The following LRP1B variants were observed in gnomAD, a reference collection of about 807,000 sequenced individuals.
The protein encoded by LRP1B is LDL receptor related protein 1B, also known as low-density lipoprotein receptor-related protein 1B.
In LRP1B, 217 loss-of-function variants were observed where a neutral mutation model predicts 556.6. The ratio of observed to expected loss-of-function variants is 0.39; its 90% CI spans 0.35 to 0.44. The LOEUF (loss-of-function observed/expected upper bound fraction) is 0.44, where lower values mean the gene tolerates loss of function less well. Ranked by LOEUF, LRP1B falls within the 20% of genes least tolerant of loss-of-function variation. The pLI, the probability that LRP1B is intolerant of heterozygous loss-of-function variation, is 1.00. For missense variants in LRP1B, 5,053 were observed against 5,620.8 expected, an observed-to-expected ratio of 0.90 and a Z score of 3.23; for synonymous variants, 2,047 against 1,865.8, an observed-to-expected ratio of 1.10 and a Z score of -2.50.
rs1295574705 is a variant in LRP1B, at chr2:142,002,778, T to C, written c.82+127870A>G. Among the ~76,000 whole-genome samples, 4 of 152,102 alleles carry C rather than the reference T, an allele frequency of 2.6e-5. 1 individual carries two copies. Among genetic ancestry groups the C allele is most frequent in the Non-Finnish European group, 5.9e-5 (4 of 68,024 alleles). ...GCCCTTTCAGAGAACGTAGCCACTT[T>C]GCAATTTCCAGGCTGAGCAGAAAGA... On this transcript the variant is annotated intron_variant, in intron 1 of 90. Coordinates refer to ENST00000389484, the MANE Select transcript of LRP1B (RefSeq NM_018557.3).
intron 3 of LRP1B, among the ~76,000 whole-genome samples, chr2:141,330,100 T>C (rs1189300240): frequency 6.6e-6 from 1 of 152,198 alleles, no homozygotes; most frequent in Non-Finnish European, 1.5e-5. Context: ...GTGGGCATTA[T>C]TATGTTACTA....
chr2:140,977,988 A>G (rs1479397697), intron 18 of LRP1B, among the ~76,000 whole-genome samples: 1 of 152,192 alleles, frequency 6.6e-6, no homozygotes, highest in Admixed American at 6.6e-5. Flanking sequence ...ATTCCTTGAC[A>G]CAAGGTCCAC....
intron 1 of LRP1B, among the ~76,000 whole-genome samples, chr2:141,890,156 T>C (rs1285377325): frequency 1.3e-5 from 2 of 151,766 alleles, no homozygotes; most frequent in African/African-American, 2.4e-5. Context: ...CTTCCTATAG[T>C]CTAGATGGTC....
chr2:142,110,766 T>A (rs547568091), intron 1 of LRP1B, among the ~76,000 whole-genome samples: 1 of 152,262 alleles, frequency 6.6e-6, no homozygotes, highest in East Asian at 1.9e-4. Flanking sequence ...CTCCTACATA[T>A]CTCACTCTTC....
chr2:141,884,847 T>C (rs1482663787), intron 1 of LRP1B, among the ~76,000 whole-genome samples: 1 of 152,126 alleles, frequency 6.6e-6, no homozygotes, highest in Admixed American at 6.6e-5. Flanking sequence ...CAAACTATCT[T>C]TGAGGTCACA....
chr2:141,675,164 A>T (rs1690827353), intron 2 of LRP1B, among the ~76,000 whole-genome samples: 1 of 151,950 alleles, frequency 6.6e-6, no homozygotes, highest in Non-Finnish European at 1.5e-5. Flanking sequence ...GACATTGTAC[A>T]CTAAATGCAC....
chr2:141,472,116 T>C (rs950120500), intron 3 of LRP1B, among the ~76,000 whole-genome samples: 1 of 152,212 alleles, frequency 6.6e-6, no homozygotes, highest in Non-Finnish European at 1.5e-5. Context: ...GTAGAAATAA[T>C]AGGAGTTGTT....
intron 23 of LRP1B, among the ~76,000 whole-genome samples, chr2:140,887,512 C>T (rs1693674174): frequency 6.6e-6 from 1 of 152,094 alleles, no homozygotes; most frequent in Admixed American, 6.6e-5. Context: ...AAAACTAACT[C>T]AAACTGTATT....
intron 7 of LRP1B, among the ~76,000 whole-genome samples, chr2:141,124,579 C>G (rs567123659): frequency 6.7e-6 from 1 of 149,926 alleles, no homozygotes; most frequent in Admixed American, 6.7e-5. Context: ...TTGAACTAAC[C>G]TAACTTTTCC....
At chr2:141,676,821 G>T (rs1434763007) in intron 2 of LRP1B, among the ~76,000 whole-genome samples, 1 of 152,088 alleles carries the variant, frequency 6.6e-6, no homozygotes, top group African/African-American at 2.4e-5. Flanking sequence ...GGGATTAAAA[G>T]CTCCTGTGAA....
chr2:140,897,387 T>C (rs1359635748), intron 23 of LRP1B, among the ~76,000 whole-genome samples: 1 of 152,148 alleles, frequency 6.6e-6, no homozygotes. Flanking sequence ...GAGCGAGTCA[T>C]AGACACTAGC....
rs534418423 is a variant in LRP1B, at chr2:140,864,149, G to A, written c.4579+3441C>T. On this transcript the variant is annotated intron_variant, in intron 27 of 90. Coordinates refer to ENST00000389484, the MANE Select transcript of LRP1B (RefSeq NM_018557.3). ...CTGGATGGCTAACAATTTTTCTCAC[G>A]GAAATGCAATGATAATCAAGTTAGC... 1.6e-4 allele frequency among the ~76,000 whole-genome samples: 24 copies of A among 151,794 alleles called. 1 individual carries two copies. In the South Asian group the frequency reaches 4.0e-3, roughly 25 times the overall value.
chr2:140,238,137 C>G lies in LRP1B; in HGVS notation c.13560+15G>C, dbSNP rs762477584. Reference sequence around the variant, plus strand: ...AATGTTAGTGCTCACTGCCCATTATCTTAAGACATACTACCTTTGTTGGGT... The same window carrying G: ...AATGTTAGTGCTCACTGCCCATTATGTTAAGACATACTACCTTTGTTGGGT... On this transcript the variant is annotated intron_variant, in intron 89 of 90. Coordinates refer to ENST00000389484, the MANE Select transcript of LRP1B (RefSeq NM_018557.3). 2.8e-5 allele frequency: 45 copies of G among 1,590,144 alleles called. No individual in the cohort carries two copies. The Admixed American group carries it at 7.9e-4, about 28-fold the overall frequency.
chr2:141,362,476 C>T (rs546151087), intron 3 of LRP1B, among the ~76,000 whole-genome samples: 5 of 152,274 alleles, frequency 3.3e-5, no homozygotes, highest in Non-Finnish European at 7.4e-5. Context: ...AAGGAAACTC[C>T]GTGTGAGCAG....
intron 2 of LRP1B, among the ~76,000 whole-genome samples, chr2:141,631,891 T>C (rs927415017): frequency 5.3e-5 from 8 of 152,270 alleles, no homozygotes; most frequent in African/African-American, 1.7e-4. Context: ...ATGTAAGTTT[T>C]AGGAAATTTT....
rs2105194055 is a variant in LRP1B at position 141,188,591 on chromosome 2, A to T, written c.851-8T>A. On this transcript the variant is annotated splice_polypyrimidine_tract_variant and splice_region_variant and intron_variant, in intron 6 of 90. Coordinates refer to ENST00000389484, the MANE Select transcript of LRP1B (RefSeq NM_018557.3). ...TCGCCATTTGTTGCACATCTGAAAAACACATACACAAAATCATTGAATCAC... is the reference window on the plus strand; with the variant it reads ...TCGCCATTTGTTGCACATCTGAAAATCACATACACAAAATCATTGAATCAC... The T allele has an allele frequency of 6.2e-7, 1 of 1,610,740 alleles. No homozygotes were observed. Among genetic ancestry groups the T allele is most frequent in the Non-Finnish European group, 8.5e-7 (1 of 1,178,088 alleles).
At chr2:141,443,808 A>G (rs1669236028) in intron 3 of LRP1B, among the ~76,000 whole-genome samples, 1 of 152,164 alleles carries the variant, frequency 6.6e-6, no homozygotes, top group Non-Finnish European at 1.5e-5. Flanking sequence ...TGGTACTACT[A>G]CCATGCTGTT....
chr2:141,631,538 CAAAAAAAAAAA>C (rs71391663), intron 2 of LRP1B, among the ~76,000 whole-genome samples: 1 of 92,568 alleles, frequency 1.1e-5, no homozygotes, highest in African/African-American at 4.2e-5. Context: ...ACCAGTTTTC[CAAAAAAAAAAA>C]AAAAAAAAAG....
intron 1 of LRP1B, among the ~76,000 whole-genome samples, chr2:142,003,135 T>C (rs1208015392): frequency 1.3e-5 from 2 of 152,230 alleles, no homozygotes; most frequent in African/African-American, 4.8e-5. Context: ...TAACATGTCA[T>C]TGAAAGGTTC....
Sources: gnomAD v4.1 joint callset for allele counts (sites outside exome capture counted in the v4.1 genomes callset) on GRCh38, gnomAD v4.1.1 for gene constraint, MANE v1.5 for transcripts, NCBI Gene and HGNC (gene_info 2026-07-23, HGNC 2026-07-21) for gene names.